Variants in THSD4 observed in about 807,000 individuals in gnomAD.
THSD4 encodes the protein thrombospondin type 1 domain containing 4, also known as thrombospondin type-1 domain-containing protein 4.
In THSD4, 69 loss-of-function variants were observed where a neutral mutation model predicts 119.0. The ratio of observed to expected loss-of-function variants is 0.58; its 90% CI spans 0.48 to 0.71. The LOEUF (loss-of-function observed/expected upper bound fraction) is 0.71. THSD4 is among the 30% of genes least tolerant of loss of function. The pLI, the probability that THSD4 is intolerant of heterozygous loss-of-function variation, is 0.00. For synonymous variants in THSD4, 524 were observed against 540.4 expected, an observed-to-expected ratio of 0.97 and a Z score of 0.42; for missense variants, 1,393 against 1,391.1, an observed-to-expected ratio of 1.00 and a Z score of -0.02.
chr15:71,596,898 C>G (rs1208756056), intron 7 of THSD4, among the ~76,000 whole-genome samples: 1 of 152,126 alleles, frequency 6.6e-6, no homozygotes, highest in Non-Finnish European at 1.5e-5. Context: ...TGTTTAAGAG[C>G]AGCAGCCAAA....
chr15:71,470,828 G>A (rs2047567666), intron 7 of THSD4, among the ~76,000 whole-genome samples: 1 of 151,862 alleles, frequency 6.6e-6, no homozygotes, highest in Admixed American at 6.6e-5. Context: ...GTAGAGACGG[G>A]GTTTCACCTT....
chr15:71,157,818 CT>C (rs1429837928), intron 3 of THSD4, among the ~76,000 whole-genome samples: 1 of 149,098 alleles, frequency 6.7e-6, no homozygotes, highest in Admixed American at 6.8e-5. Context: ...AGATTTCATT[CT>C]TTTTAATGGA....
At chr15:71,111,029 AGCCTCGGATCCGGGTGAT>A, upstream of THSD4, 2 of 1,131,254 alleles carry the variant, frequency 1.8e-6, no homozygotes, top group Non-Finnish European at 2.5e-6. Flanking sequence ...AAGGAGAAGC[AGCCTCGGATCCGGGTGAT>A]GCCTCTTGGC....
At chr15:71,271,636 T>A (rs11637326) in intron 6 of THSD4, among the ~76,000 whole-genome samples, 137,334 of 152,268 alleles carry the variant, frequency 0.9, 62,033 homozygotes, top group East Asian at 1. Flanking sequence ...ACTATATTTT[T>A]AAAACCTTAT....
intron 7 of THSD4, among the ~76,000 whole-genome samples, chr15:71,468,359 A>C (rs994904275): frequency 2.0e-5 from 3 of 152,210 alleles, no homozygotes; most frequent in African/African-American, 7.2e-5. Context: ...AGAATCATAC[A>C]GGTCTGGAGA....
chr15:71,729,347 A>G (rs1368638359), intron 9 of THSD4: 4 of 152,442 alleles, frequency 2.6e-5, no homozygotes, highest in African/African-American at 7.2e-5. Flanking sequence ...AACCACTAGA[A>G]TTCAATCTTC....
At chr15:71,517,661 T>A (rs566068077) in intron 7 of THSD4, among the ~76,000 whole-genome samples, 1 of 152,346 alleles carries the variant, frequency 6.6e-6, no homozygotes, top group South Asian at 2.1e-4. Context: ...AACGACTGTT[T>A]CCTGCTCAAA....
intron 8 of THSD4, among the ~76,000 whole-genome samples, chr15:71,669,633 A>G (rs958163237): frequency 6.6e-6 from 1 of 152,186 alleles, no homozygotes; most frequent in Non-Finnish European, 1.5e-5. Flanking sequence ...ATGTCTGATG[A>G]TCAATCCTTA....
At chr15:71,647,822 C>A (rs894384533) in intron 7 of THSD4, among the ~76,000 whole-genome samples, 2 of 152,084 alleles carry the variant, frequency 1.3e-5, no homozygotes, top group African/African-American at 4.8e-5. Flanking sequence ...CAGAGGACTT[C>A]AATATGGGAT....
chr15:71,253,423 T>C (rs2044281014), intron 5 of THSD4, among the ~76,000 whole-genome samples: 1 of 152,174 alleles, frequency 6.6e-6, no homozygotes, highest in African/African-American at 2.4e-5. Context: ...TTTTTTTTTT[T>C]TGGAGACAGA....
intron 6 of THSD4, among the ~76,000 whole-genome samples, chr15:71,265,724 C>CCA (rs2044457525): frequency 6.6e-6 from 1 of 152,038 alleles, no homozygotes; most frequent in Non-Finnish European, 1.5e-5. Context: ...TCTCGCTGCG[C>CCA]GCACAGCAGT....
intron 6 of THSD4, among the ~76,000 whole-genome samples, chr15:71,277,621 T>C (rs1400239532): frequency 6.6e-6 from 1 of 152,198 alleles, no homozygotes; most frequent in East Asian, 1.9e-4. Context: ...TGTAGGGATA[T>C]ATTTTTCTTT....
At chr15:71,310,646 G>C (rs987273394) in intron 6 of THSD4, among the ~76,000 whole-genome samples, 17 of 152,130 alleles carry the variant, frequency 1.1e-4, no homozygotes, top group African/African-American at 3.9e-4. Flanking sequence ...GGAATGGAGG[G>C]GGGTTCTTAT....
At chr15:71,632,296 G>A in intron 7 of THSD4, among the ~76,000 whole-genome samples, 1 of 152,130 alleles carries the variant, frequency 6.6e-6, no homozygotes, top group Admixed American at 6.5e-5. Context: ...GGGTTGAAAA[G>A]GAGAGACCTT....
chr15:71,660,995 G>T (rs2140996841), intron 8 of THSD4, among the ~76,000 whole-genome samples: 1 of 152,296 alleles, frequency 6.6e-6, no homozygotes, highest in Admixed American at 6.5e-5. Flanking sequence ...AGAGAAACAT[G>T]GTTATAAAGT....
intron 3 of THSD4, among the ~76,000 whole-genome samples, chr15:71,180,221 CG>C (rs2043501075): frequency 6.8e-6 from 1 of 147,378 alleles, no homozygotes; most frequent in Non-Finnish European, 1.5e-5. Context: ...ACCCACAGAA[CG>C]GGAGAAAGTA....
intron 7 of THSD4, among the ~76,000 whole-genome samples, chr15:71,483,762 G>A (rs115426475): frequency 0.016 from 433 of 26,530 alleles, 2 homozygotes; most frequent in African/African-American, 0.057. Flanking sequence ...ACCCTCCCCC[G>A]ACAGACCCCA....
rs74380726 is a variant in THSD4 at position 71,257,713 on chromosome 15, A to T, written c.1015+998A>T. ...CCCTTGGGGAGGAGGGAAGTGGATT[A>T]GTATCTGACTGCTCTGAAATTGGAT... is the stretch of plus-strand genomic sequence containing the variant. On this transcript the variant is annotated intron_variant, in intron 6 of 17. Coordinates refer to ENST00000261862, the MANE Select transcript of THSD4 (RefSeq NM_024817.3). Among the ~76,000 whole-genome samples the T allele has an allele frequency of 1.1e-3, 172 of 152,300 alleles. 1 individual carries two copies. The highest frequency in any genetic ancestry group is 0.011 in the East Asian group (56 of 5,162).
Position 71,724,067 on chromosome 15 carries a change from TTAAA to T in THSD4, c.1358-4481_1358-4478del, listed in dbSNP as rs765977101. Among the ~76,000 whole-genome samples, 49 of 14,718 alleles carry T rather than the reference TTAAA, an allele frequency of 3.3e-3. No individual in the cohort carries two copies. The Admixed American group carries it at 0.041, about 12-fold the overall frequency. 9.7% of individuals were successfully genotyped at this position (14,718 alleles called of 152,430 possible). On this transcript the variant is annotated intron_variant, in intron 8 of 17. Coordinates refer to ENST00000261862, the MANE Select transcript of THSD4 (RefSeq NM_024817.3). ...AACAGGAGTAAAACCTTGTCTTTAT[TTAAA>T]AAAAAAAAAAAAAAAAAATGAATAG...
Sources: gnomAD v4.1 joint callset for allele counts (sites outside exome capture counted in the v4.1 genomes callset) on GRCh38, gnomAD v4.1.1 for gene constraint, MANE v1.5 for transcripts, NCBI Gene and HGNC (gene_info 2026-07-23, HGNC 2026-07-21) for gene names.